The following CNTNAP2 variants were observed in gnomAD, a reference collection of about 807,000 sequenced individuals.
CNTNAP2 encodes contactin-associated protein-like 2.
In CNTNAP2, 98 loss-of-function variants were observed where a neutral mutation model predicts 155.2. The observed-to-expected ratio is 0.63, with a 90% CI of 0.54 to 0.75. The LOEUF (loss-of-function observed/expected upper bound fraction) is 0.75. Ranked by LOEUF, CNTNAP2 falls within the 30% of genes least tolerant of loss-of-function variation. The pLI, the probability that CNTNAP2 is intolerant of heterozygous loss-of-function variation, is 0.00. For missense variants in CNTNAP2, 1,727 were observed against 1,688.1 expected (o/e 1.02, Z -0.40); for synonymous variants, 651 against 631.2 (o/e 1.03, Z -0.47).
At chr7:146,122,920 C>A (rs1456147639) in intron 1 of CNTNAP2, among the ~76,000 whole-genome samples, 4 of 152,092 alleles carry the variant, frequency 2.6e-5, no homozygotes, top group Non-Finnish European at 5.9e-5. Flanking sequence ...TTATTCTTTC[C>A]AACAAAGCAT....
chr7:146,447,844 CAT>C (rs538903669), intron 1 of CNTNAP2, among the ~76,000 whole-genome samples: 67 of 151,390 alleles, frequency 4.4e-4, no homozygotes, highest in African/African-American at 1.6e-3. Flanking sequence ...GAAATTAAAT[CAT>C]ATAAAAAAAC....
chr7:146,788,028 G>C (rs1383139340), intron 2 of CNTNAP2, among the ~76,000 whole-genome samples: 2 of 152,202 alleles, frequency 1.3e-5, no homozygotes, highest in African/African-American at 4.8e-5. Flanking sequence ...AAGTTCTCCA[G>C]GTCCCCACCC....
intron 8 of CNTNAP2, among the ~76,000 whole-genome samples, chr7:147,175,486 T>G (rs1802321529): frequency 1.3e-5 from 2 of 152,172 alleles, no homozygotes; most frequent in African/African-American, 4.8e-5. Flanking sequence ...TAGGCATAAT[T>G]TTATATATTT....
intron 2 of CNTNAP2, among the ~76,000 whole-genome samples, chr7:146,816,090 C>T (rs1005361124): frequency 4.6e-5 from 7 of 152,196 alleles, no homozygotes; most frequent in Non-Finnish European, 2.9e-5. Context: ...AGGACTTTAA[C>T]TCATCCTTTT....
chr7:147,892,087 T>G (rs1261244795), intron 13 of CNTNAP2, among the ~76,000 whole-genome samples: 1 of 151,820 alleles, frequency 6.6e-6, no homozygotes, highest in African/African-American at 2.4e-5. Context: ...TTAGTATTGA[T>G]TCATGCAAAA....
intron 15 of CNTNAP2, among the ~76,000 whole-genome samples, chr7:148,021,460 G>A (rs1297639225): frequency 6.6e-6 from 1 of 152,158 alleles, no homozygotes; most frequent in Non-Finnish European, 1.5e-5. Flanking sequence ...AGGGAGACAC[G>A]GGGGACAGCT....
intron 1 of CNTNAP2, among the ~76,000 whole-genome samples, chr7:146,477,960 G>A (rs981484507): frequency 2.6e-5 from 4 of 152,034 alleles, no homozygotes; most frequent in Admixed American, 2.0e-4. Flanking sequence ...CACAAAATAA[G>A]CACTGAATAT....
intron 1 of CNTNAP2, among the ~76,000 whole-genome samples, chr7:146,341,037 C>T (rs1270301094): frequency 1.3e-5 from 2 of 152,044 alleles, no homozygotes; most frequent in Non-Finnish European, 2.9e-5. Flanking sequence ...TTCTCTTTTG[C>T]CTTTCTGCAA....
At chr7:146,872,957 C>A (rs1795344708) in intron 3 of CNTNAP2, among the ~76,000 whole-genome samples, 1 of 152,154 alleles carries the variant, frequency 6.6e-6, no homozygotes, top group African/African-American at 2.4e-5. Flanking sequence ...CAACATAGCA[C>A]CTGCATTTTT....
At chr7:146,419,479 C>G (rs1295168896) in intron 1 of CNTNAP2, among the ~76,000 whole-genome samples, 1 of 152,050 alleles carries the variant, frequency 6.6e-6, no homozygotes, top group Non-Finnish European at 1.5e-5. Context: ...CCTGAGGGAA[C>G]TAACAAAGAT....
In CNTNAP2 at chr7:147,792,516, A is replaced by G. The variant is rs75604024; in HGVS notation, c.2099-111049A>G. Among the ~76,000 whole-genome samples the G allele has an allele frequency of 5.8e-3, 842 of 145,840 alleles. 4 individuals carry two copies. Among genetic ancestry groups the G allele is most frequent in the African/African-American group, 0.018 (728 of 39,720 alleles). ...CGTTGTAGTGTGTGTGTGTGTGTGTATATATATATATCTTAGTACTTCATT... is the reference window on the plus strand; with the variant it reads ...CGTTGTAGTGTGTGTGTGTGTGTGTGTATATATATATCTTAGTACTTCATT... On this transcript the variant is annotated intron_variant, in intron 13 of 23. Coordinates refer to ENST00000361727, the MANE Select transcript of CNTNAP2 (RefSeq NM_014141.6).
At chr7:147,128,394 A>T (rs1801281941) in intron 6 of CNTNAP2, among the ~76,000 whole-genome samples, 1 of 152,226 alleles carries the variant, frequency 6.6e-6, no homozygotes, top group Admixed American at 6.5e-5. Context: ...AAGTTTGCTG[A>T]ATAAAAATCT....
chr7:146,408,648 AG>A (rs1795825916), intron 1 of CNTNAP2, among the ~76,000 whole-genome samples: 1 of 150,688 alleles, frequency 6.6e-6, no homozygotes. Flanking sequence ...GGGGAGGGAT[AG>A]CATTAGGAGA....
chr7:148,326,682 C>A (rs1048959377), intron 21 of CNTNAP2, among the ~76,000 whole-genome samples: 1 of 151,798 alleles, frequency 6.6e-6, no homozygotes, highest in South Asian at 2.1e-4. Flanking sequence ...TTGGCCAACA[C>A]GGTGAAACCC....
In CNTNAP2 at chr7:148,415,570, A is replaced by ACTT; in HGVS notation, c.3952_3954dup (p.Phe1318dup). The ACTT allele has an allele frequency of 6.2e-7, 1 of 1,614,238 alleles. No individual in the cohort carries two copies. ...GCCGCCATCATGAACAACGACCCCA[A>ACTT]CTTCACAGAGACCATTGATGAAAGC... is the stretch of plus-strand genomic sequence containing the variant. On this transcript the variant is annotated inframe_insertion, in exon 24 of 24. Coordinates refer to ENST00000361727, the MANE Select transcript of CNTNAP2 (RefSeq NM_014141.6).
chr7:147,429,518 C>CTA (rs1296631816), intron 10 of CNTNAP2, among the ~76,000 whole-genome samples: 1 of 152,024 alleles, frequency 6.6e-6, no homozygotes, highest in Non-Finnish European at 1.5e-5. Flanking sequence ...TGTGGGTTGT[C>CTA]TATTTACTCT....
chr7:146,934,734 T>C (rs1045834755), intron 3 of CNTNAP2, among the ~76,000 whole-genome samples: 1 of 152,218 alleles, frequency 6.6e-6, no homozygotes, highest in East Asian at 1.9e-4. Context: ...TTATTTTCAC[T>C]GAATCATGAC....
intron 13 of CNTNAP2, among the ~76,000 whole-genome samples, chr7:147,834,964 C>T (rs1798611415): frequency 6.6e-6 from 1 of 152,164 alleles, no homozygotes; most frequent in African/African-American, 2.4e-5. Context: ...TCTCCACTTG[C>T]TCACACTGGC....
intron 3 of CNTNAP2, among the ~76,000 whole-genome samples, chr7:146,999,951 A>T (rs1337320015): frequency 6.6e-6 from 1 of 151,908 alleles, no homozygotes; most frequent in African/African-American, 2.4e-5. Context: ...CAATTTTTAA[A>T]ATAATATTTT....
Sources: allele counts gnomAD v4.1 joint callset (sites outside exome capture counted in the v4.1 genomes callset), GRCh38; gene constraint gnomAD v4.1.1; transcripts MANE v1.5; gene names NCBI Gene and HGNC (gene_info 2026-07-23, HGNC 2026-07-21).